The following SND1 variants were observed in gnomAD, a reference collection of about 807,000 sequenced individuals.
SND1 encodes staphylococcal nuclease and tudor domain containing 1.
A neutral mutation model predicts 121.7 loss-of-function variants in SND1; 38 were observed. The ratio of observed to expected loss-of-function variants is 0.31; its 90% CI spans 0.24 to 0.41. SND1 has a LOEUF of 0.41. SND1 is among the 10% of genes least tolerant of loss of function. SND1 has a pLI of 1.00. For synonymous variants in SND1, 401 were observed against 447.4 expected (o/e 0.90, Z 1.31); for missense variants, 868 against 1,184.6 (o/e 0.73, Z 3.92).
chr7:127,711,587 C>T (rs1796298181), intron 9 of SND1, among the ~76,000 whole-genome samples: 1 of 152,042 alleles, frequency 6.6e-6, no homozygotes, highest in African/African-American at 2.4e-5. Context: ...CTTTGTTTAT[C>T]TATATTTGAG....
intron 16 of SND1, among the ~76,000 whole-genome samples, chr7:128,044,411 T>C (rs564983176): frequency 1.3e-5 from 2 of 152,318 alleles, no homozygotes; most frequent in South Asian, 4.1e-4. Flanking sequence ...TCCCATGGGA[T>C]AGGTAAGATG....
At chr7:127,857,710 C>T (rs574013316) in intron 12 of SND1, 2 of 590,070 alleles carry the variant, frequency 3.4e-6, no homozygotes, top group Admixed American at 5.9e-5. Flanking sequence ...CAGCCAAGGC[C>T]CCACAACTAA....
Position 128,084,867 on chromosome 7 carries a change from A to G in SND1, c.2234+20A>G, listed in dbSNP as rs1793662411. Reference sequence around the variant, plus strand: ...AGAATGGTAAGCCACTTGGAAAAGCAAGGCAGAGTCTTGAGCAGGAACGAT... The same window carrying G: ...AGAATGGTAAGCCACTTGGAAAAGCGAGGCAGAGTCTTGAGCAGGAACGAT... On this transcript the variant is annotated intron_variant, in intron 19 of 23. Coordinates refer to ENST00000354725, the MANE Select transcript of SND1 (RefSeq NM_014390.4). 2 of 1,583,432 alleles carry G rather than the reference A, an allele frequency of 1.3e-6. No individual in the cohort carries two copies. The highest frequency in any genetic ancestry group is 8.6e-7 in the Non-Finnish European group (1 of 1,159,418).
chr7:127,964,732 A>G (rs1477614445), intron 15 of SND1, among the ~76,000 whole-genome samples: 2 of 144,748 alleles, frequency 1.4e-5, no homozygotes, highest in Non-Finnish European at 3.0e-5. Flanking sequence ...TGACTTGGCT[A>G]TGCGGGCTGT....
In SND1 at chr7:128,020,328, G is replaced by A. The variant is rs191409424; in HGVS notation, c.1779+29272G>A. Among the ~76,000 whole-genome samples the A allele has an allele frequency of 6.6e-5, 10 of 152,310 alleles. No homozygotes were observed. The East Asian group carries it at 1.9e-3, about 29-fold the overall frequency. ...ATTGCATCAAACTGCAAACTCCAGG[G>A]GGCACTAATCACTTTGCCATTTCTG... On this transcript the variant is annotated intron_variant, in intron 16 of 23. Transcript: ENST00000354725.
chr7:127,759,922 G>T (rs188448960), intron 10 of SND1, among the ~76,000 whole-genome samples: 48 of 152,230 alleles, frequency 3.2e-4, no homozygotes, highest in African/African-American at 9.9e-4. Flanking sequence ...CATTTCTGCT[G>T]CCAGCCTCTC....
intron 1 of SND1, among the ~76,000 whole-genome samples, chr7:127,665,646 A>G (rs187878434): frequency 6.6e-6 from 1 of 152,164 alleles, no homozygotes; most frequent in African/African-American, 2.4e-5. Context: ...GGTGATAGGT[A>G]TAGGGACCAC....
At chr7:127,959,503 C>G (rs1305031003) in intron 15 of SND1, among the ~76,000 whole-genome samples, 1 of 152,174 alleles carries the variant, frequency 6.6e-6, no homozygotes, top group Non-Finnish European at 1.5e-5. Flanking sequence ...ATCTCCTGCT[C>G]TTCCCACTTC....
chr7:127,712,988 T>A (rs894561376), intron 9 of SND1, among the ~76,000 whole-genome samples: 1 of 152,288 alleles, frequency 6.6e-6, no homozygotes, highest in African/African-American at 2.4e-5. Context: ...ATTATTTGGC[T>A]CACATTTGCC....
chr7:127,702,096 AT>A (rs1397386426), intron 5 of SND1, among the ~76,000 whole-genome samples: 1 of 152,126 alleles, frequency 6.6e-6, no homozygotes, highest in African/African-American at 2.4e-5. Context: ...GTAAAATAAG[AT>A]TTTTACCAAT....
intron 15 of SND1, among the ~76,000 whole-genome samples, chr7:127,977,887 AT>A (rs1355006789): frequency 6.6e-6 from 1 of 152,146 alleles, no homozygotes; most frequent in Non-Finnish European, 1.5e-5. Flanking sequence ...GCCCAAGAGG[AT>A]GGTCATGCTG....
At chr7:127,736,671 C>G (rs1670845974) in intron 10 of SND1, among the ~76,000 whole-genome samples, 2 of 152,216 alleles carry the variant, frequency 1.3e-5, no homozygotes, top group Admixed American at 1.3e-4. Flanking sequence ...GCAGTACACT[C>G]TCTAATCACC....
At chr7:127,826,748 CCT>C (rs1339710642) in intron 11 of SND1, among the ~76,000 whole-genome samples, 2 of 152,102 alleles carry the variant, frequency 1.3e-5, no homozygotes, top group Admixed American at 1.3e-4. Flanking sequence ...ACAAATACTC[CCT>C]TTTTTAAATT....
intron 13 of SND1, among the ~76,000 whole-genome samples, chr7:127,895,099 T>C (rs927874270): frequency 7.9e-5 from 12 of 152,088 alleles, no homozygotes; most frequent in African/African-American, 2.9e-4. Context: ...TGTGAGAGTA[T>C]ATTCCTGAAA....
chr7:127,891,322 T>C (rs117310289), intron 13 of SND1, among the ~76,000 whole-genome samples: 1 of 152,188 alleles, frequency 6.6e-6, no homozygotes, highest in East Asian at 1.9e-4. Context: ...GCAGCCTCCC[T>C]TTCTTGAAAA....
At chr7:127,765,238 C>G (rs1242600927) in intron 10 of SND1, among the ~76,000 whole-genome samples, 1 of 152,078 alleles carries the variant, frequency 6.6e-6, no homozygotes, top group African/African-American at 2.4e-5. Flanking sequence ...GAGGAATTGC[C>G]CAGAATCTTG....
chr7:127,686,573 C>T, intron 1 of SND1, 40 bp from the exon 2 acceptor site: 1 of 1,602,316 alleles, frequency 6.2e-7, no homozygotes, highest in Non-Finnish European at 8.5e-7. Flanking sequence ...GGTGATACGG[C>T]CTCTGGACCA....
At chr7:128,031,286 C>T (rs954891794) in intron 16 of SND1, among the ~76,000 whole-genome samples, 3 of 146,870 alleles carry the variant, frequency 2.0e-5, no homozygotes, top group Non-Finnish European at 4.5e-5. Flanking sequence ...GCTTCATCGC[C>T]AAAGTGCGCT....
Position 127,681,699 on chromosome 7 carries a change from A to G in SND1, c.79-4914A>G, listed in dbSNP as rs139686047. On this transcript the variant is annotated intron_variant, in intron 1 of 23. Transcript: ENST00000354725. ...GAGGGCCAACTTCATTCTTTTGCAC[A>G]TGGAGATCTAGTTGTCCCAACACAT... Among the ~76,000 whole-genome samples, 144 of 152,296 alleles carry G rather than the reference A, an allele frequency of 9.5e-4. 1 individual carries two copies. Among genetic ancestry groups the G allele is most frequent in the Middle Eastern group, 3.4e-3 (1 of 294 alleles).
Sources: gnomAD v4.1 joint callset for allele counts (sites outside exome capture counted in the v4.1 genomes callset) on GRCh38, gnomAD v4.1.1 for gene constraint, MANE v1.5 for transcripts, NCBI Gene and HGNC (gene_info 2026-07-23, HGNC 2026-07-21) for gene names.